Variants in TMEM98 observed in about 807,000 individuals in gnomAD.
TMEM98 encodes transmembrane protein 98.
Under a neutral mutation model 25.0 loss-of-function variants are expected in TMEM98, and 18 were observed. The observed-to-expected ratio is 0.72, with a 90% CI of 0.50 to 1.07. The LOEUF is 1.07. TMEM98 is among the 50% of genes least tolerant of loss of function. The pLI is 0.00. For synonymous variants in TMEM98, 103 were observed against 112.4 expected (o/e 0.92, Z 0.53); for missense variants, 241 against 289.0 (o/e 0.83, Z 1.20).
At chr17:32,933,396 G>A (rs2091480282) in intron 4 of TMEM98, 91 bp downstream of exon 4, 1 of 1,547,682 alleles carries the variant, frequency 6.5e-7, no homozygotes, top group Non-Finnish European at 8.8e-7. Context: ...TGGCATTCAA[G>A]AACAGTCACT....
chr17:32,940,842 G>A lies in TMEM98; in HGVS notation c.530G>A (p.Cys177Tyr), dbSNP rs747585624. ...CTGGTGCTGGTGACAAGGAATGCCTGCCATCTGACGGGAGGCCTGGACTGG... is the reference window on the plus strand; with the variant it reads ...CTGGTGCTGGTGACAAGGAATGCCTACCATCTGACGGGAGGCCTGGACTGG... ...SHLVLVTRNA[C>Y]HLTGGLDWID... is the part of the protein sequence containing the mutation. The change falls in exon 8 of 8, where the codon TGC becomes TAC. Residue 177 changes from cysteine to tyrosine, a missense_variant. Coordinates refer to ENST00000579849, the MANE Select transcript of TMEM98 (RefSeq NM_015544.3). The A allele has an allele frequency of 6.2e-7, 1 of 1,614,212 alleles. No homozygotes were observed. The highest frequency in any genetic ancestry group is 1.3e-5 in the African/African-American group (1 of 75,060).
intron 7 of TMEM98, 112 bp downstream of exon 7, chr17:32,939,648 CTCCT>C: frequency 3.0e-6 from 4 of 1,332,074 alleles, no homozygotes; most frequent in Non-Finnish European, 4.3e-6. Flanking sequence ...GCTTTGCAGC[CTCCT>C]TAGGCTGCCC....
chr17:32,939,042 G>GC (rs2091512972), intron 6 of TMEM98, among the ~76,000 whole-genome samples: 2 of 152,264 alleles, frequency 1.3e-5, no homozygotes, highest in Non-Finnish European at 2.9e-5. Flanking sequence ...GAATGCAGAA[G>GC]CAATTGGAGA....
chr17:32,941,136 C>T lies in TMEM98; in HGVS notation c.*143C>T. ...GTGTGTGCATAGTAAAGCAGGAGAT[C>T]CCCGTCAGTTTATGCCTCTTTTGCA... is the stretch of plus-strand genomic sequence containing the variant. On this transcript the variant is annotated 3_prime_UTR_variant, in exon 8 of 8. Transcript: ENST00000579849. 1.4e-6 allele frequency: 1 copy of T among 733,958 alleles called. No homozygotes were observed. The highest frequency in any genetic ancestry group is 2.2e-6 in the Non-Finnish European group (1 of 462,854). 45.5% of individuals were successfully genotyped at this position (733,958 alleles called of 1,614,324 possible). A position where few individuals can be genotyped will look rare whatever the true frequency, so the allele number is the denominator to read the frequency against.
chr17:32,939,838 C>G (rs2091519180), intron 7 of TMEM98, among the ~76,000 whole-genome samples: 1 of 152,166 alleles, frequency 6.6e-6, no homozygotes, highest in African/African-American at 2.4e-5. Context: ...CCCCTTTCCC[C>G]CTCTGATTTT....
At position 32,941,097 on chromosome 17, in the gene TMEM98, T is replaced by A; in HGVS notation, c.*104T>A. On this transcript the variant is annotated 3_prime_UTR_variant, in exon 8 of 8. Coordinates refer to ENST00000579849, the MANE Select transcript of TMEM98 (RefSeq NM_015544.3). ...TATAGAGTTAGTTGTTCTCCACGGC[T>A]GGAGAGTTCAGCTGTGTGTGCATAG... 1.0e-6 allele frequency: 1 copy of A among 997,544 alleles called. No individual in the cohort carries two copies. Among genetic ancestry groups the A allele is most frequent in the Non-Finnish European group, 1.4e-6 (1 of 691,264 alleles). 61.8% of individuals were successfully genotyped at this position (997,544 alleles called of 1,614,324 possible). A position where few individuals can be genotyped will look rare whatever the true frequency, so the allele number is the denominator to read the frequency against.
chr17:32,941,636 T>TA lies in TMEM98; in HGVS notation c.*644dup, dbSNP rs141948577. On this transcript the variant is annotated 3_prime_UTR_variant, in exon 8 of 8. Transcript: ENST00000579849. ...ACTAGGTGGATAGTAAATTTATACT[T>TA]ATGTTTCCCTCAAGTGTGTAGTTAT... 5.3e-5 allele frequency: 8 copies of TA among 152,374 alleles called. No homozygotes were observed. In the East Asian group the frequency reaches 1.5e-3, roughly 29 times the overall value. The allele number at this position is 152,374 out of a possible 1,614,324, so 9.4% of individuals were successfully genotyped here.
chr17:32,936,197 A>C, intron 5 of TMEM98, 135 bp from the exon 6 acceptor site: 2 of 671,730 alleles, frequency 3.0e-6, no homozygotes, highest in Non-Finnish European at 5.1e-6. Context: ...TCATCTCTGT[A>C]CTTTTCACAT....
At chr17:32,928,735 A>G (rs1483330705) in intron 1 of TMEM98, among the ~76,000 whole-genome samples, 2 of 151,630 alleles carry the variant, frequency 1.3e-5, no homozygotes, top group Non-Finnish European at 2.9e-5. Flanking sequence ...AGCACACTTA[A>G]GATAAACACT....
At chr17:32,934,916 A>G (rs750291074) in intron 5 of TMEM98, among the ~76,000 whole-genome samples, 5 of 152,200 alleles carry the variant, frequency 3.3e-5, no homozygotes, top group Non-Finnish European at 7.3e-5. Context: ...GGGTAATTTT[A>G]TGGTTTTAGC....
Position 32,942,823 on chromosome 17 carries a change from T to G in TMEM98, c.*1830T>G, listed in dbSNP as rs377440722. 1.1e-4 allele frequency: 16 copies of G among 152,334 alleles called. No individual in the cohort carries two copies. The East Asian group carries it at 3.1e-3, about 29-fold the overall frequency. The allele number at this position is 152,334 out of a possible 1,614,324, so 9.4% of individuals were successfully genotyped here. A position where few individuals can be genotyped will look rare whatever the true frequency, so the allele number is the denominator to read the frequency against. Reference sequence around the variant, plus strand: ...CTATTTGAGGCCTCCACAGTAAACATCCAGAGTCATCCTATTTTTGTCTTT... The same window carrying G: ...CTATTTGAGGCCTCCACAGTAAACAGCCAGAGTCATCCTATTTTTGTCTTT... On this transcript the variant is annotated 3_prime_UTR_variant, in exon 8 of 8. Coordinates refer to ENST00000579849, the MANE Select transcript of TMEM98 (RefSeq NM_015544.3).
intron 6 of TMEM98, among the ~76,000 whole-genome samples, chr17:32,938,402 C>T (rs1034611338): frequency 2.0e-5 from 3 of 152,060 alleles, no homozygotes; most frequent in Non-Finnish European, 4.4e-5. Flanking sequence ...GCTCCACAGC[C>T]GTGAATAAGA....
At position 32,942,386 on chromosome 17, in the gene TMEM98, C is replaced by G. The variant is rs1231172154; in HGVS notation, c.*1393C>G. The G allele has an allele frequency of 3.3e-5, 5 of 152,228 alleles. No homozygotes were observed. Among genetic ancestry groups the G allele is most frequent in the Non-Finnish European group, 7.3e-5 (5 of 68,044 alleles). 9.4% of individuals were successfully genotyped at this position (152,228 alleles called of 1,614,324 possible). On this transcript the variant is annotated 3_prime_UTR_variant, in exon 8 of 8. Coordinates refer to ENST00000579849, the MANE Select transcript of TMEM98 (RefSeq NM_015544.3). ...GGGCTGCCCAGGTTCGTAGCCTATG[C>G]TGTCAAGCATGTTTGGAGTTGCACA...
At chr17:32,940,714 T>C in intron 7 of TMEM98, 72 bp from the exon 8 acceptor site, 1 of 1,431,118 alleles carries the variant, frequency 7.0e-7, no homozygotes, top group East Asian at 2.3e-5. Context: ...TCAAAAAGTC[T>C]ATCTATTTGG....
chr17:32,940,724 G>C (rs142222370), intron 7 of TMEM98, 62 bp from the exon 8 acceptor site: 2 of 1,509,890 alleles, frequency 1.3e-6, no homozygotes, highest in Non-Finnish European at 1.8e-6. Context: ...TATCTATTTG[G>C]GCTTTTGTGC....
In TMEM98 at chr17:32,940,898, C is replaced by A. The variant is rs750342258; in HGVS notation, c.586C>A (p.His196Asn). ...CCAGTCTCTGTCGGCTGCTGAGGAG[C>A]ATTTGGAAGTCCTTCGAGAAGCAGC... ...IDQSLSAAEE[H>N]LEVLREAALA... is the part of the protein sequence containing the mutation. The change falls in exon 8 of 8, where the codon CAT becomes AAT. Residue 196 changes from histidine to asparagine, a missense_variant. Coordinates refer to ENST00000579849, the MANE Select transcript of TMEM98 (RefSeq NM_015544.3). 6.2e-7 allele frequency: 1 copy of A among 1,614,182 alleles called. No individual in the cohort carries two copies. The highest frequency in any genetic ancestry group is 8.5e-7 in the Non-Finnish European group (1 of 1,180,032).
Position 32,928,222 on chromosome 17 carries a change from G to C in TMEM98, c.-146G>C, listed in dbSNP as rs1193934417. ...GCGGGGCAGTCGCGGGATGCGCCCG[G>C]GAGCCACAGCCTGAGGTGGGTGAGC... On this transcript the variant is annotated 5_prime_UTR_variant, in exon 1 of 8. Transcript: ENST00000579849. 6.7e-6 allele frequency: 1 copy of C among 148,692 alleles called. No individual in the cohort carries two copies. Among genetic ancestry groups the C allele is most frequent in the African/African-American group, 2.5e-5 (1 of 40,808 alleles). 9.2% of individuals were successfully genotyped at this position (148,692 alleles called of 1,614,324 possible).
intron 6 of TMEM98, among the ~76,000 whole-genome samples, chr17:32,936,773 C>G (rs2091498955): frequency 6.6e-6 from 1 of 152,194 alleles, no homozygotes; most frequent in African/African-American, 2.4e-5. Flanking sequence ...ATACCAGCTC[C>G]CCTTGACACG....
intron 7 of TMEM98, among the ~76,000 whole-genome samples, chr17:32,940,339 C>A (rs1003061202): frequency 5.3e-5 from 8 of 151,980 alleles, no homozygotes; most frequent in African/African-American, 1.9e-4. Flanking sequence ...CTGGGCCTTA[C>A]CAATTTGTAA....
Sources: gnomAD v4.1 joint callset for allele counts (sites outside exome capture counted in the v4.1 genomes callset) on GRCh38, gnomAD v4.1.1 for gene constraint, MANE v1.5 for transcripts, NCBI Gene and HGNC (gene_info 2026-07-23, HGNC 2026-07-21) for gene names.